Variants in EBAG9 observed in about 807,000 individuals in gnomAD.
EBAG9 encodes receptor-binding cancer antigen expressed on SiSo cells.
Under a neutral mutation model 30.9 loss-of-function variants are expected in EBAG9, and 16 were observed. The observed-to-expected ratio is 0.52, with a 90% confidence interval of 0.35 to 0.79. The LOEUF (loss-of-function observed/expected upper bound fraction) is 0.79. Among genes scored for constraint, EBAG9 ranks in the 30% least tolerant of loss-of-function variants. The probability of loss-of-function intolerance (pLI) is 0.01; values close to 1 mark genes in which losing one functional copy is unlikely to be tolerated. For synonymous variants in EBAG9, 93 were observed against 82.8 expected, an observed-to-expected ratio of 1.12 and a Z score of -0.67; for missense variants, 197 against 242.1, an observed-to-expected ratio of 0.81 and a Z score of 1.24.
chr8:109,544,735 CAT>C (rs1586685288), intron 1 of EBAG9, among the ~76,000 whole-genome samples: 1 of 152,184 alleles, frequency 6.6e-6, no homozygotes, highest in Non-Finnish European at 1.5e-5. Context: ...CTTGATTTAA[CAT>C]GTGGTCTGTT....
rs924972623 is a variant in EBAG9, at chr8:109,540,370, C to G, written c.-107C>G. 1 of 152,292 alleles carries G rather than the reference C, an allele frequency of 6.6e-6. No individual in the cohort carries two copies. Among genetic ancestry groups the G allele is most frequent in the Admixed American group, 6.5e-5 (1 of 15,292 alleles). The allele number at this position is 152,292 out of a possible 1,614,324, so 9.4% of individuals were successfully genotyped here. On this transcript the variant is annotated 5_prime_UTR_variant, in exon 1 of 7. Coordinates refer to ENST00000337573, the MANE Select transcript of EBAG9 (RefSeq NM_004215.5). The stretch of plus-strand genomic sequence containing the variant: ...ATCTCAGTTCACCTGGTATCCAGCT[C>G]CAGCAACTTAGAGCGTTTCACGTCA...
rs994229913 is a variant in EBAG9 at position 109,565,430 on chromosome 8, A to G, written c.*871A>G. 1.3e-5 allele frequency: 2 copies of G among 152,104 alleles called. No individual in the cohort carries two copies. The highest frequency in any genetic ancestry group is 1.3e-4 in the Admixed American group (2 of 15,270). The allele number at this position is 152,104 out of a possible 1,614,324, so 9.4% of individuals were successfully genotyped here. A position where few individuals can be genotyped will look rare whatever the true frequency, so the allele number is the denominator to read the frequency against. On this transcript the variant is annotated 3_prime_UTR_variant, in exon 7 of 7. Coordinates refer to ENST00000337573, the MANE Select transcript of EBAG9 (RefSeq NM_004215.5). ...TCAGGTCAAATATTTCAAAGCCTTT[A>G]GATGATTTCTGTACTAGCTTTAGAT...
rs115636891 is a variant in EBAG9 at position 109,554,429 on chromosome 8, C to A, written c.163-300C>A. Among the ~76,000 whole-genome samples, 1,390 of 152,220 alleles carry A rather than the reference C, an allele frequency of 9.1e-3. 14 individuals carry two copies. Among genetic ancestry groups the A allele is most frequent in the African/African-American group, 0.031 (1,305 of 41,530 alleles). On this transcript the variant is annotated intron_variant, in intron 3 of 6. Transcript: ENST00000337573. The stretch of plus-strand genomic sequence containing the variant: ...TAGGCTTGGGTGAAAATGTCCAGCC[C>A]TTCTGTGAGTTGTAGTTTTAATGTC...
At chr8:109,559,769 C>T (rs1821674754) in intron 5 of EBAG9, among the ~76,000 whole-genome samples, 1 of 151,730 alleles carries the variant, frequency 6.6e-6, no homozygotes, top group Non-Finnish European at 1.5e-5. Flanking sequence ...GAACCATGAT[C>T]ACACCATGCA....
Position 109,564,686 on chromosome 8 carries a change from C to T in EBAG9, c.*127C>T. On this transcript the variant is annotated 3_prime_UTR_variant, in exon 7 of 7. Transcript: ENST00000337573. ...GATTTTAATACATTGATCAGGCCAT[C>T]CAGGACACCACGATTCTCCCAAAGT... The T allele has an allele frequency of 7.5e-7, 1 of 1,327,726 alleles. No individual in the cohort carries two copies. Among genetic ancestry groups the T allele is most frequent in the Non-Finnish European group, 1.0e-6 (1 of 977,828 alleles). The allele number at this position is 1,327,726 out of a possible 1,614,324, so 82.2% of individuals were successfully genotyped here.
At chr8:109,545,769 A>G (rs1047410470) in intron 1 of EBAG9, among the ~76,000 whole-genome samples, 1 of 152,188 alleles carries the variant, frequency 6.6e-6, no homozygotes, top group Non-Finnish European at 1.5e-5. Flanking sequence ...ATTTAATCAT[A>G]GGGAGGCAGT....
intron 1 of EBAG9, among the ~76,000 whole-genome samples, chr8:109,542,663 C>G (rs1449141402): frequency 6.6e-6 from 1 of 152,002 alleles, no homozygotes; most frequent in African/African-American, 2.4e-5. Flanking sequence ...CTTGACAAAT[C>G]AGCTTTAAAT....
chr8:109,555,311 A>G (rs548348049), intron 4 of EBAG9, among the ~76,000 whole-genome samples: 2 of 152,098 alleles, frequency 1.3e-5, no homozygotes, highest in African/African-American at 4.8e-5. Flanking sequence ...GAGGACATGA[A>G]CTCATCCTTT....
At chr8:109,548,176 T>G (rs935383220) in intron 1 of EBAG9, among the ~76,000 whole-genome samples, 72 of 152,152 alleles carry the variant, frequency 4.7e-4, no homozygotes, top group African/African-American at 1.5e-3. Context: ...CAGATATATA[T>G]AGAAGGTTTT....
At chr8:109,551,473 T>G (rs1401880708) in intron 2 of EBAG9, among the ~76,000 whole-genome samples, 1 of 152,162 alleles carries the variant, frequency 6.6e-6, no homozygotes, top group Admixed American at 6.5e-5. Flanking sequence ...AGCTATGATG[T>G]CTAAAATGTG....
chr8:109,544,317 T>C (rs763542633), intron 1 of EBAG9, among the ~76,000 whole-genome samples: 1 of 152,186 alleles, frequency 6.6e-6, no homozygotes, highest in Non-Finnish European at 1.5e-5. Flanking sequence ...GAAAAAAAAC[T>C]ATCAAATTAC....
At chr8:109,561,009 T>C in intron 6 of EBAG9, 80 bp downstream of exon 6, 2 of 1,216,410 alleles carry the variant, frequency 1.6e-6, no homozygotes, top group Non-Finnish European at 1.2e-6. Flanking sequence ...CAAGGGAGCC[T>C]ATTTTGCCAA....
intron 5 of EBAG9, among the ~76,000 whole-genome samples, chr8:109,559,287 C>A (rs530998910): frequency 1.3e-5 from 2 of 151,970 alleles, no homozygotes; most frequent in Admixed American, 1.3e-4. Flanking sequence ...CGAAATCCCC[C>A]CTCTACAAAA....
chr8:109,549,427 CTTCAG>C (rs1563654014), intron 1 of EBAG9, among the ~76,000 whole-genome samples: 1 of 151,930 alleles, frequency 6.6e-6, no homozygotes, highest in Non-Finnish European at 1.5e-5. Flanking sequence ...AATATTCCTT[CTTCAG>C]TTTTTTGGCA....
At chr8:109,549,874 C>A (rs913667295) in intron 1 of EBAG9, among the ~76,000 whole-genome samples, 4 of 151,958 alleles carry the variant, frequency 2.6e-5, no homozygotes, top group Non-Finnish European at 4.4e-5. Flanking sequence ...ATAGTCACTT[C>A]ACCTTTCTTT....
chr8:109,551,467 A>G (rs952974826), intron 2 of EBAG9, among the ~76,000 whole-genome samples: 3 of 152,130 alleles, frequency 2.0e-5, no homozygotes, highest in African/African-American at 7.2e-5. Flanking sequence ...CCCAAGAGCT[A>G]TGATGTCTAA....
chr8:109,562,378 G>A (rs1481968198), intron 6 of EBAG9, among the ~76,000 whole-genome samples: 1 of 152,086 alleles, frequency 6.6e-6, no homozygotes, highest in Non-Finnish European at 1.5e-5. Context: ...CAGCTTGGGA[G>A]AGTGAGATTG....
chr8:109,541,094 A>G (rs1221405785), intron 1 of EBAG9, among the ~76,000 whole-genome samples: 3 of 151,974 alleles, frequency 2.0e-5, no homozygotes, highest in Non-Finnish European at 2.9e-5. Context: ...TTGATTTCCT[A>G]GAGTTGTCAT....
chr8:109,562,946 C>G (rs930918634), intron 6 of EBAG9, among the ~76,000 whole-genome samples: 1 of 151,970 alleles, frequency 6.6e-6, no homozygotes. Context: ...ATTATTTCAG[C>G]TAGTAACCAG....
Sources: allele counts gnomAD v4.1 joint callset (sites outside exome capture counted in the v4.1 genomes callset), GRCh38; gene constraint gnomAD v4.1.1; transcripts MANE v1.5; gene names NCBI Gene and HGNC (gene_info 2026-07-23, HGNC 2026-07-21).